The following FANCA variants were observed in gnomAD, a reference collection of about 807,000 sequenced individuals.
FANCA encodes the protein Fanconi anemia group A protein.
Under a neutral mutation model 194.3 loss-of-function variants are expected in FANCA, and 236 were observed. The ratio of observed to expected loss-of-function variants is 1.21; its 90% CI spans 1.09 to 1.35. The LOEUF is 1.35. Ranked by LOEUF, FANCA falls within the 40% of genes most tolerant of loss-of-function variation. The pLI is 0.00. For missense variants in FANCA, 2,628 were observed against 1,813.9 expected (o/e 1.45, Z -8.15); for synonymous variants, 1,014 against 715.8 (o/e 1.42, Z -6.65).
chr16:89,785,198 T>C (rs1360716254), intron 14 of FANCA, among the ~76,000 whole-genome samples: 2 of 152,206 alleles, frequency 1.3e-5, no homozygotes, highest in East Asian at 1.9e-4. Context: ...CAAAAAGTCA[T>C]GTGGTTCATA....
At chr16:89,739,335 G>C in intron 40 of FANCA, 46 bp from the exon 41 acceptor site, 1 of 1,611,158 alleles carries the variant, frequency 6.2e-7, no homozygotes, top group East Asian at 2.2e-5. Flanking sequence ...CTGCTGGAAA[G>C]GTAGCAGGTG....
chr16:89,793,704 C>T (rs1307511266), intron 11 of FANCA, among the ~76,000 whole-genome samples: 1 of 151,842 alleles, frequency 6.6e-6, no homozygotes, highest in Admixed American at 6.6e-5. Flanking sequence ...CCTCAGTCTC[C>T]CAAGTAGCTG....
Position 89,738,144 on chromosome 16 carries a change from G to A in FANCA, c.*457C>T. 2 of 1,613,686 alleles carry A rather than the reference G, an allele frequency of 1.2e-6. No individual in the cohort carries two copies. The highest frequency in any genetic ancestry group is 1.7e-6 in the Non-Finnish European group (2 of 1,180,008). On this transcript the variant is annotated 3_prime_UTR_variant, in exon 43 of 43. Transcript: ENST00000389301. ...TGTCCATGGTGCACCCGCTGACACA[G>A]ACCCAGGACAAGGCCCTGCCCCTGG... is the stretch of plus-strand genomic sequence containing the variant.
chr16:89,739,514 TC>T lies in FANCA; in HGVS notation c.3973del (p.Asp1325IlefsTer38), dbSNP rs2151712879. On this transcript the variant is annotated frameshift_variant, in exon 40 of 43. Coordinates refer to ENST00000389301, the MANE Select transcript of FANCA (RefSeq NM_000135.4). LOFTEE classifies it high-confidence loss of function. ...LGRLLLRVAPDQHTRLLPFAF... is the reference protein window; with the variant it reads ...LGRLLLRVAPXQHTRLLPFAF... ...GAAAGGCAGCAGCCTGGTGTGCTGA[TC>T]CGGGGCCACACGGAGGAGGAGCCGC... 6.4e-7 allele frequency: 1 copy of T among 1,551,366 alleles called. No homozygotes were observed. The highest frequency in any genetic ancestry group is 2.4e-5 in the East Asian group (1 of 40,940).
At chr16:89,808,226 T>G in intron 6 of FANCA, 68 bp downstream of exon 6, 1 of 1,487,580 alleles carries the variant, frequency 6.7e-7, no homozygotes, top group South Asian at 1.1e-5. Context: ...GATTCTGGGC[T>G]TTGAAATATA....
In FANCA at chr16:89,816,024, A is replaced by G. The variant is rs1452632510; in HGVS notation, c.80-38T>C. 3.3e-6 allele frequency: 5 copies of G among 1,504,370 alleles called. No individual in the cohort carries two copies. The African/African-American group carries it at 5.5e-5, about 17-fold the overall frequency. The allele number at this position is 1,504,370 out of a possible 1,614,324, so 93.2% of individuals were successfully genotyped here. On this transcript the variant is annotated intron_variant, in intron 1 of 42. Transcript: ENST00000389301. The stretch of plus-strand genomic sequence containing the variant: ...GTCGGTTCGAAACCATCACAGCACA[A>G]TTCACACACGGGGTCCCCGGCCCGA...
At chr16:89,816,120 G>A (rs1045833234) in intron 1 of FANCA, 134 bp from the exon 2 acceptor site, 3 of 726,340 alleles carry the variant, frequency 4.1e-6, no homozygotes, top group Middle Eastern at 2.3e-4. Context: ...CTCCTCCCCA[G>A]GGCGCAGGTC....
At chr16:89,761,140 C>A (rs2038936235) in intron 29 of FANCA, among the ~76,000 whole-genome samples, 1 of 152,182 alleles carries the variant, frequency 6.6e-6, no homozygotes, top group South Asian at 2.1e-4. Context: ...GGCAACCTGG[C>A]CAGGCGCGGT....
chr16:89,748,591 T>C, intron 33 of FANCA, 68 bp downstream of exon 33: 2 of 1,213,282 alleles, frequency 1.6e-6, no homozygotes, highest in South Asian at 2.4e-5. Flanking sequence ...GCATGGAGGC[T>C]GCAAGAGCTG....
intron 30 of FANCA, 89 bp downstream of exon 30, chr16:89,758,488 G>A (rs1224938593): frequency 6.6e-7 from 1 of 1,512,306 alleles, no homozygotes; most frequent in Non-Finnish European, 9.1e-7. Flanking sequence ...CTAATTAGAT[G>A]GGCACCAGCA....
At chr16:89,774,184 C>T (rs1440861721) in intron 21 of FANCA, among the ~76,000 whole-genome samples, 1 of 152,174 alleles carries the variant, frequency 6.6e-6, no homozygotes, top group Non-Finnish European at 1.5e-5. Flanking sequence ...TATGCACAGC[C>T]ACAGCCAAAA....
At chr16:89,799,793 A>G (rs543265494) in intron 8 of FANCA, among the ~76,000 whole-genome samples, 155 bp from the exon 9 acceptor site, 190 of 152,326 alleles carry the variant, frequency 1.2e-3, no homozygotes, top group African/African-American at 4.4e-3. Context: ...GGAGATCGAG[A>G]CCATCCTGGC....
Position 89,799,228 on chromosome 16 carries a change from T to G in FANCA, c.831A>C (p.Ala277=). 1 of 1,614,016 alleles carries G rather than the reference T, an allele frequency of 6.2e-7. No individual in the cohort carries two copies. The highest frequency in any genetic ancestry group is 1.1e-5 in the South Asian group (1 of 91,074). The change falls in exon 10 of 43, where the codon GCA becomes GCC. Residue 277 remains alanine (A), a synonymous_variant. Transcript: ENST00000389301. The part of the protein sequence containing the change: ...VDVLQRMLIF[A]LDALAAGVQE... ...GTACTCCAGCAGCCAAAGCGTCAAG[T>G]GCAACTGAAGACAGAGCCAGGAACA...
chr16:89,745,366 C>A (rs2038347388), intron 35 of FANCA, among the ~76,000 whole-genome samples: 1 of 152,000 alleles, frequency 6.6e-6, no homozygotes, highest in East Asian at 1.9e-4. Context: ...AGTGAAGGGA[C>A]CACAGTCCCC....
Position 89,792,480 on chromosome 16 carries a change from C to A in FANCA, c.1074G>T (p.Leu358=). 6.2e-7 allele frequency: 1 copy of A among 1,613,342 alleles called. No individual in the cohort carries two copies. Among genetic ancestry groups the A allele is most frequent in the Non-Finnish European group, 8.5e-7 (1 of 1,179,928 alleles). The change falls in exon 12 of 43, where the codon CTG becomes CTT. Residue 358 remains leucine (L), a synonymous_variant. Coordinates refer to ENST00000389301, the MANE Select transcript of FANCA (RefSeq NM_000135.4). The part of the protein sequence containing the change: ...FARTHPLLTS[L]YRRLFVMLSA... The stretch of plus-strand genomic sequence containing the variant: ...TACCACATCCACTCACCCTGCGGTA[C>A]AGTGAGGTGAGCAGAGGGTGTGTCC...
chr16:89,779,616 A>T (rs541189829), intron 18 of FANCA, among the ~76,000 whole-genome samples: 1 of 152,306 alleles, frequency 6.6e-6, no homozygotes, highest in South Asian at 2.1e-4. Context: ...CTCACCCCGT[A>T]TCCCTTAACG....
At chr16:89,770,492 C>A (rs904645546) in intron 24 of FANCA, 72 bp downstream of exon 24, 9 of 1,410,046 alleles carry the variant, frequency 6.4e-6, no homozygotes, top group Non-Finnish European at 8.8e-6. Flanking sequence ...AGTCCCTGGT[C>A]TGCAGACTTG....
intron 8 of FANCA, among the ~76,000 whole-genome samples, chr16:89,801,127 T>C (rs1224658253): frequency 6.6e-6 from 1 of 151,026 alleles, no homozygotes; most frequent in Non-Finnish European, 1.5e-5. Context: ...GGGCGGGTCA[T>C]GAGATCAGAA....
chr16:89,795,851 G>T, intron 11 of FANCA, 55 bp downstream of exon 11: 3 of 1,309,116 alleles, frequency 2.3e-6, no homozygotes, highest in South Asian at 1.2e-5. Flanking sequence ...AGGCAACAAG[G>T]CAACAGCAAT....
Sources: gnomAD v4.1 joint callset for allele counts (sites outside exome capture counted in the v4.1 genomes callset) on GRCh38, gnomAD v4.1.1 for gene constraint, MANE v1.5 for transcripts, NCBI Gene and HGNC (gene_info 2026-07-23, HGNC 2026-07-21) for gene names.